The following MIER1 variants were observed in gnomAD, a reference collection of about 807,000 sequenced individuals.
MIER1 encodes the protein MIER1 transcriptional regulator.
A neutral mutation model predicts 75.7 loss-of-function variants in MIER1; 40 were observed. That is an observed-to-expected ratio of 0.53 (90% CI 0.41 to 0.69). The LOEUF (loss-of-function observed/expected upper bound fraction) is 0.69, where lower values mean the gene tolerates loss of function less well. Among genes scored for constraint, MIER1 ranks in the 30% least tolerant of loss-of-function variants. The pLI, the probability that MIER1 is intolerant of heterozygous loss-of-function variation, is 0.00. For missense variants in MIER1, 574 were observed against 680.2 expected (o/e 0.84, Z 1.74); for synonymous variants, 213 against 223.4 (o/e 0.95, Z 0.42).
chr1:66,978,539 C>A (rs140899743), intron 12 of MIER1, among the ~76,000 whole-genome samples: 1 of 151,986 alleles, frequency 6.6e-6, no homozygotes, highest in Admixed American at 6.5e-5. Context: ...TGGTAGTATT[C>A]AAGCATAATA....
intron 8 of MIER1, among the ~76,000 whole-genome samples, chr1:66,969,253 GA>G (rs1236750219): frequency 6.6e-6 from 1 of 152,014 alleles, no homozygotes; most frequent in East Asian, 1.9e-4. Context: ...TAATTCATGT[GA>G]AAATAATACG....
chr1:66,956,703 A>G (rs1163733677), intron 4 of MIER1, among the ~76,000 whole-genome samples: 1 of 152,246 alleles, frequency 6.6e-6, no homozygotes, highest in Non-Finnish European at 1.5e-5. Flanking sequence ...TAGCTTCTGC[A>G]AATCATTAGG....
chr1:66,942,585 A>T (rs778132164), intron 3 of MIER1, among the ~76,000 whole-genome samples: 6 of 152,204 alleles, frequency 3.9e-5, no homozygotes, highest in Non-Finnish European at 8.8e-5. Context: ...CTAATGATTT[A>T]TTATTGGGAA....
chr1:66,936,776 G>C (rs1029086217), intron 2 of MIER1, among the ~76,000 whole-genome samples: 1 of 151,616 alleles, frequency 6.6e-6, no homozygotes, highest in African/African-American at 2.4e-5. Flanking sequence ...TGAGGCGGAC[G>C]GATCACGAGG....
chr1:66,930,510 C>T, intron 2 of MIER1: 1 of 1,155,768 alleles, frequency 8.7e-7, no homozygotes, highest in Non-Finnish European at 1.2e-6. Flanking sequence ...GCTGGCGCCG[C>T]TGCCCACCTG....
At chr1:66,975,061 G>A (rs778667381) in intron 11 of MIER1, among the ~76,000 whole-genome samples, 6 of 152,174 alleles carry the variant, frequency 3.9e-5, no homozygotes, top group Non-Finnish European at 5.9e-5. Flanking sequence ...GATCAGAGCT[G>A]TACAGTGCAA....
At chr1:66,968,202 C>A (rs767227655) in intron 8 of MIER1, among the ~76,000 whole-genome samples, 1 of 151,998 alleles carries the variant, frequency 6.6e-6, no homozygotes, top group African/African-American at 2.4e-5. Context: ...TTGGAGGGAT[C>A]GCTGTGGTAA....
In MIER1 at chr1:66,958,238, T is replaced by C. The variant is rs1400372874; in HGVS notation, c.501+18T>C. The C allele has an allele frequency of 1.9e-6, 3 of 1,559,174 alleles. No homozygotes were observed. The highest frequency in any genetic ancestry group is 2.6e-6 in the Non-Finnish European group (3 of 1,142,656). ...AAAATAAAGTAAGTCTATATACATATATTTAAGATTGTAGTCTTTATTCTT... is the reference window on the plus strand; with the variant it reads ...AAAATAAAGTAAGTCTATATACATACATTTAAGATTGTAGTCTTTATTCTT... On this transcript the variant is annotated intron_variant, in intron 5 of 13. Coordinates refer to ENST00000401041, the MANE Select transcript of MIER1 (RefSeq NM_001077700.3).
Position 66,925,018 on chromosome 1 carries a change from G to T in MIER1, c.-11G>T. ...CCCCTCCCAGGCTCTGAGTCTCCCG[G>T]CTGCAGGCGGATGGATGGGGCTTCT... On this transcript the variant is annotated 5_prime_UTR_variant, in exon 1 of 14. Transcript: ENST00000401041. 6.5e-7 allele frequency: 1 copy of T among 1,546,158 alleles called. No individual in the cohort carries two copies. The highest frequency in any genetic ancestry group is 8.7e-7 in the Non-Finnish European group (1 of 1,145,278).
rs1667033326 is a variant in MIER1, at chr1:66,988,295, TCTA to T, written c.*3398_*3400del. Reference sequence around the variant, plus strand: ...AATGACTTTTTCTGTATCACATAATTCTACTGATACAACTTTTTACCGTAAAAA... The same window carrying T: ...AATGACTTTTTCTGTATCACATAATTCTGATACAACTTTTTACCGTAAAAA... On this transcript the variant is annotated 3_prime_UTR_variant, in exon 14 of 14. Coordinates refer to ENST00000401041, the MANE Select transcript of MIER1 (RefSeq NM_001077700.3). 6.6e-6 allele frequency: 1 copy of T among 152,310 alleles called. No homozygotes were observed. Among genetic ancestry groups the T allele is most frequent in the Admixed American group, 6.5e-5 (1 of 15,280 alleles). The allele number at this position is 152,310 out of a possible 1,614,324, so 9.4% of individuals were successfully genotyped here. A position where few individuals can be genotyped will look rare whatever the true frequency, so the allele number is the denominator to read the frequency against.
In MIER1 at chr1:66,926,161, C is replaced by T. The variant is rs770686765; in HGVS notation, c.87C>T (p.Phe29=). 12 of 1,613,822 alleles carry T rather than the reference C, an allele frequency of 7.4e-6. No individual in the cohort carries two copies. Among genetic ancestry groups the T allele is most frequent in the Non-Finnish European group, 1.0e-5 (12 of 1,179,762 alleles). The change falls in exon 2 of 14, where the codon TTC becomes TTT. Residue 29 remains phenylalanine, a synonymous_variant. Transcript: ENST00000401041. ...SGSGYGVVAR[F]SQCLAEFRTW... is the part of the protein sequence containing the mutation. ...ATCCAGATGGTGTGGTCGCTCGATT[C>T]TCCCAGTGCCTGGCTGAGTTTCGGA...
chr1:66,926,779 A>G (rs1044966714), intron 2 of MIER1, among the ~76,000 whole-genome samples: 3 of 152,192 alleles, frequency 2.0e-5, no homozygotes, highest in Non-Finnish European at 2.9e-5. Flanking sequence ...ATTGTTAGAT[A>G]TAGAATTTTT....
chr1:66,937,547 T>C (rs1484019730), intron 2 of MIER1, among the ~76,000 whole-genome samples: 1 of 152,028 alleles, frequency 6.6e-6, no homozygotes, highest in Non-Finnish European at 1.5e-5. Context: ...ATCATGCCAC[T>C]GCACTTCTGC....
intron 4 of MIER1, chr1:66,948,107 T>G (rs753156471): frequency 8.7e-6 from 8 of 920,952 alleles, no homozygotes; most frequent in Non-Finnish European, 1.0e-5. Flanking sequence ...CTCCACTGGT[T>G]TTGAGAAGAT....
chr1:66,959,098 C>A, intron 6 of MIER1, 115 bp downstream of exon 6: 2 of 854,674 alleles, frequency 2.3e-6, no homozygotes, highest in Non-Finnish European at 3.6e-6. Context: ...TTCTTTTCAA[C>A]AGTAAATGGA....
intron 2 of MIER1, among the ~76,000 whole-genome samples, chr1:66,931,064 C>A (rs952694574): frequency 1.3e-5 from 2 of 151,594 alleles, no homozygotes; most frequent in Admixed American, 6.6e-5. Flanking sequence ...GGCTTCCCCC[C>A]ACCCCCTTTC....
chr1:66,939,065 C>G (rs566156687), intron 2 of MIER1, among the ~76,000 whole-genome samples: 1 of 152,244 alleles, frequency 6.6e-6, no homozygotes, highest in East Asian at 1.9e-4. Context: ...TGCAAGATCC[C>G]TATCTTTCCT....
At chr1:66,942,157 C>T (rs938896595) in intron 3 of MIER1, among the ~76,000 whole-genome samples, 2 of 152,062 alleles carry the variant, frequency 1.3e-5, no homozygotes, top group South Asian at 2.1e-4. Flanking sequence ...TAATTACAGC[C>T]AGTTATAAAA....
chr1:66,972,235 CA>C (rs1663791817), intron 10 of MIER1, among the ~76,000 whole-genome samples: 8 of 63,708 alleles, frequency 1.3e-4, no homozygotes, highest in Admixed American at 2.6e-4. Flanking sequence ...ATATACACTA[CA>C]TATATATATA....
Sources: gnomAD v4.1 joint callset for allele counts (sites outside exome capture counted in the v4.1 genomes callset) on GRCh38, gnomAD v4.1.1 for gene constraint, MANE v1.5 for transcripts, NCBI Gene and HGNC (gene_info 2026-07-23, HGNC 2026-07-21) for gene names.